Variants in DHRS7B observed in about 807,000 individuals in gnomAD.
DHRS7B encodes the protein dehydrogenase/reductase 7B.
Under a neutral mutation model 26.4 loss-of-function variants are expected in DHRS7B, and 24 were observed. The observed-to-expected ratio is 0.91, with a 90% CI of 0.66 to 1.28. The LOEUF (loss-of-function observed/expected upper bound fraction) is 1.28, where lower values mean the gene tolerates loss of function less well. Among genes scored for constraint, DHRS7B ranks in the 50% most tolerant of loss-of-function variants. The pLI, the probability that DHRS7B is intolerant of heterozygous loss-of-function variation, is 0.00. For synonymous variants in DHRS7B, 142 were observed against 166.4 expected, an observed-to-expected ratio of 0.85 and a Z score of 1.13; for missense variants, 368 against 419.4, an observed-to-expected ratio of 0.88 and a Z score of 1.07.
chr17:21,151,035 C>G (rs1281969250), intron 1 of DHRS7B, among the ~76,000 whole-genome samples: 1 of 152,192 alleles, frequency 6.6e-6, no homozygotes, highest in Admixed American at 6.5e-5. Context: ...TCCACCACAT[C>G]TAGATACATC....
intron 1 of DHRS7B, among the ~76,000 whole-genome samples, chr17:21,130,129 G>A (rs1442329084): frequency 1.3e-5 from 2 of 152,220 alleles, no homozygotes; most frequent in African/African-American, 4.8e-5. Context: ...TGAGCACGGT[G>A]GCTCACGCCT....
rs140796593 is a variant in DHRS7B at position 21,151,255 on chromosome 17, C to T, written c.21-20763C>T. Among the ~76,000 whole-genome samples, 896 of 152,116 alleles carry T rather than the reference C, an allele frequency of 5.9e-3. 2 individuals carry two copies. The highest frequency in any genetic ancestry group is 9.2e-3 in the Non-Finnish European group (623 of 67,990). On this transcript the variant is annotated intron_variant, in intron 1 of 6. Transcript: ENST00000395511. The stretch of plus-strand genomic sequence containing the variant: ...GGTGCGGTGGCTCACGCCTGTAATC[C>T]CAGCACTTTGGGAGGCCTAGGCAGG...
chr17:21,159,476 C>G (rs1388594022), intron 1 of DHRS7B, among the ~76,000 whole-genome samples: 1 of 151,408 alleles, frequency 6.6e-6, no homozygotes, highest in Non-Finnish European at 1.5e-5. Context: ...AGGATGGTCT[C>G]AAGCTCCTGA....
chr17:21,137,933 C>A (rs941511389), intron 1 of DHRS7B, among the ~76,000 whole-genome samples: 37 of 150,862 alleles, frequency 2.5e-4, no homozygotes, highest in Non-Finnish European at 4.6e-4. Context: ...GGCATTTCAC[C>A]ATGTTAGCCA....
At chr17:21,183,044 A>AAGG (rs1181230120) in intron 3 of DHRS7B, among the ~76,000 whole-genome samples, 4 of 152,120 alleles carry the variant, frequency 2.6e-5, no homozygotes, top group African/African-American at 9.7e-5. Flanking sequence ...AAGGTTTTTG[A>AAGG]TTACTGATCC....
At chr17:21,180,647 C>T (rs1265236214) in intron 3 of DHRS7B, among the ~76,000 whole-genome samples, 2 of 151,620 alleles carry the variant, frequency 1.3e-5, no homozygotes, top group East Asian at 3.9e-4. Context: ...TTTTCTCCCC[C>T]TTAGAGGGAC....
intron 1 of DHRS7B, among the ~76,000 whole-genome samples, chr17:21,150,119 A>AAACC (rs748120411): frequency 8.4e-6 from 1 of 118,780 alleles, no homozygotes; most frequent in Non-Finnish European, 1.9e-5. Context: ...AAAAAAAAAA[A>AAACC]AAAAAAAAAA....
At chr17:21,157,917 C>T (rs1973915860) in intron 1 of DHRS7B, among the ~76,000 whole-genome samples, 1 of 151,488 alleles carries the variant, frequency 6.6e-6, no homozygotes, top group Non-Finnish European at 1.5e-5. Flanking sequence ...TGCACCCCAG[C>T]TTGGTTGACA....
chr17:21,137,899 A>AT (rs1410365779), intron 1 of DHRS7B, among the ~76,000 whole-genome samples: 4 of 150,252 alleles, frequency 2.7e-5, no homozygotes, highest in African/African-American at 9.8e-5. Context: ...CCTCTGGCTA[A>AT]TTTTTTGTAT....
intron 1 of DHRS7B, chr17:21,166,498 A>C: frequency 1.0e-6 from 1 of 981,752 alleles, no homozygotes; most frequent in African/African-American, 1.8e-5. Context: ...TTTTTTTTCC[A>C]GTCGAAGGCG....
At chr17:21,147,697 A>G (rs1048083145) in intron 1 of DHRS7B, among the ~76,000 whole-genome samples, 8 of 152,144 alleles carry the variant, frequency 5.3e-5, no homozygotes, top group Non-Finnish European at 1.0e-4. Context: ...CTAGCAGGAG[A>G]CTTGTCCCTG....
At chr17:21,136,654 C>T (rs112059818) in intron 1 of DHRS7B, among the ~76,000 whole-genome samples, 5,303 of 152,058 alleles carry the variant, frequency 0.035, 291 homozygotes, top group African/African-American at 0.12. Flanking sequence ...CAGGTTCAAG[C>T]GATTCATTCT....
intron 1 of DHRS7B, 24 bp downstream of exon 1, chr17:21,127,015 C>T (rs1389401204): frequency 1.3e-6 from 2 of 1,512,400 alleles, no homozygotes; most frequent in African/African-American, 1.4e-5. Flanking sequence ...AAGAAGGAAC[C>T]TCCGAGATGA....
intron 1 of DHRS7B, among the ~76,000 whole-genome samples, chr17:21,131,552 A>G (rs1973230328): frequency 6.6e-6 from 1 of 152,216 alleles, no homozygotes; most frequent in Non-Finnish European, 1.5e-5. Flanking sequence ...AGCCTGCTTT[A>G]TCAGCAAGGT....
At chr17:21,180,574 G>A (rs1394737416) in intron 3 of DHRS7B, among the ~76,000 whole-genome samples, 1 of 152,106 alleles carries the variant, frequency 6.6e-6, no homozygotes, top group African/African-American at 2.4e-5. Flanking sequence ...AAGTGTCTAT[G>A]TCTAGGTTCC....
At chr17:21,179,928 G>T in intron 3 of DHRS7B, among the ~76,000 whole-genome samples, 1 of 150,410 alleles carries the variant, frequency 6.6e-6, no homozygotes, top group East Asian at 2.0e-4. Flanking sequence ...CACCACGCCC[G>T]GCTAATTTTG....
intron 1 of DHRS7B, among the ~76,000 whole-genome samples, chr17:21,135,484 T>G (rs1281902715): frequency 6.6e-6 from 1 of 152,214 alleles, no homozygotes; most frequent in Non-Finnish European, 1.5e-5. Context: ...CAGGTCTTTG[T>G]AAAATAAGTC....
At chr17:21,157,489 G>A (rs1973906961) in intron 1 of DHRS7B, among the ~76,000 whole-genome samples, 1 of 152,098 alleles carries the variant, frequency 6.6e-6, no homozygotes, top group Admixed American at 6.6e-5. Flanking sequence ...GTGAGGCCAG[G>A]AATTCAAGAC....
rs895917954 is a variant in DHRS7B, at chr17:21,149,219, G to GA, written c.20+22238dup. Among the ~76,000 whole-genome samples, 117 of 147,484 alleles carry GA rather than the reference G, an allele frequency of 7.9e-4. 1 individual carries two copies. The highest frequency in any genetic ancestry group is 2.4e-3 in the African/African-American group (98 of 40,356). On this transcript the variant is annotated intron_variant, in intron 1 of 6. Transcript: ENST00000395511. ...GAACGATATTTTCAAAGTGCTGAAA[G>GA]AAAAAAAAAACCTGCCATTCAAAAA...
Sources: gnomAD v4.1 joint callset for allele counts (sites outside exome capture counted in the v4.1 genomes callset) on GRCh38, gnomAD v4.1.1 for gene constraint, MANE v1.5 for transcripts, NCBI Gene and HGNC (gene_info 2026-07-23, HGNC 2026-07-21) for gene names.